GPC5: variants seen among roughly 807,000 people sequenced by gnomAD.
The protein encoded by GPC5 is glypican-5.
Under a neutral mutation model 53.9 loss-of-function variants are expected in GPC5, and 47 were observed. That is an observed-to-expected ratio of 0.87 (90% CI 0.69 to 1.11). The LOEUF is 1.11. Ranked by LOEUF, GPC5 falls within the 50% of genes most tolerant of loss-of-function variation. The pLI is 0.00. For missense variants in GPC5, 748 were observed against 713.1 expected, an observed-to-expected ratio of 1.05 and a Z score of -0.56; for synonymous variants, 286 against 263.3, an observed-to-expected ratio of 1.09 and a Z score of -0.84.
chr13:91,714,165 C>T (rs1170734425), intron 3 of GPC5, among the ~76,000 whole-genome samples: 1 of 152,172 alleles, frequency 6.6e-6, no homozygotes, highest in South Asian at 2.1e-4. Context: ...AACAACTCAC[C>T]TCCTTCCTTG....
chr13:92,084,255 C>A (rs2041319120), intron 6 of GPC5, among the ~76,000 whole-genome samples: 1 of 152,172 alleles, frequency 6.6e-6, no homozygotes, highest in Non-Finnish European at 1.5e-5. Context: ...CCTGCACGTC[C>A]TGCACATGTA....
chr13:92,057,194 G>GT (rs2041081851), intron 6 of GPC5, among the ~76,000 whole-genome samples: 1 of 152,138 alleles, frequency 6.6e-6, no homozygotes, highest in Non-Finnish European at 1.5e-5. Flanking sequence ...CATCTACCAT[G>GT]TAAGAAGTCC....
chr13:92,758,755 G>C (rs66504520), intron 7 of GPC5, among the ~76,000 whole-genome samples: 9,942 of 151,958 alleles, frequency 0.065, 831 homozygotes, highest in East Asian at 0.37. Flanking sequence ...GAAATTACAT[G>C]GGAATGTGTT....
chr13:91,517,962 T>C (rs1162392721), intron 2 of GPC5, among the ~76,000 whole-genome samples: 4 of 152,192 alleles, frequency 2.6e-5, no homozygotes, highest in African/African-American at 7.2e-5. Flanking sequence ...TCCCACAACA[T>C]GTGGGAATTC....
chr13:92,199,279 A>G (rs557100797), intron 7 of GPC5, among the ~76,000 whole-genome samples: 2 of 152,324 alleles, frequency 1.3e-5, no homozygotes, highest in South Asian at 4.1e-4. Context: ...AGTCTCCACA[A>G]TCAGCAACTT....
At chr13:91,875,158 C>T (rs2039188504) in intron 5 of GPC5, among the ~76,000 whole-genome samples, 1 of 152,152 alleles carries the variant, frequency 6.6e-6, no homozygotes, top group Non-Finnish European at 1.5e-5. Flanking sequence ...TGAGTAATGG[C>T]TTGTATATGT....
chr13:91,885,315 G>A (rs2039310241), intron 5 of GPC5, among the ~76,000 whole-genome samples: 1 of 152,162 alleles, frequency 6.6e-6, no homozygotes, highest in South Asian at 2.1e-4. Context: ...TAACAGAGAA[G>A]AAGAAAAGTC....
chr13:91,766,469 G>A (rs1011263811), intron 5 of GPC5, among the ~76,000 whole-genome samples: 4 of 152,196 alleles, frequency 2.6e-5, no homozygotes, highest in Admixed American at 6.5e-5. Flanking sequence ...AGGTTCAGGA[G>A]CCATGCTACT....
Position 92,591,816 on chromosome 13 carries a change from C to T in GPC5, c.1562-274466C>T, listed in dbSNP as rs761877282. On this transcript the variant is annotated intron_variant, in intron 7 of 7. Transcript: ENST00000377067. ...TCTACTTCTATGAGATCAACTTTTT[C>T]AGATTCTATATGAGTGAGATCTTTG... 1.1e-4 allele frequency among the ~76,000 whole-genome samples: 16 copies of T among 152,188 alleles called. No homozygotes were observed. In the East Asian group the frequency reaches 3.1e-3, roughly 29 times the overall value.
At chr13:92,417,271 T>C (rs1594184474) in intron 7 of GPC5, among the ~76,000 whole-genome samples, 1 of 152,306 alleles carries the variant, frequency 6.6e-6, no homozygotes, top group African/African-American at 2.4e-5. Context: ...CATCCTTAGC[T>C]GTCAGTAAAA....
intron 7 of GPC5, among the ~76,000 whole-genome samples, chr13:92,246,508 C>T (rs2042651782): frequency 6.6e-6 from 1 of 152,106 alleles, no homozygotes; most frequent in African/African-American, 2.4e-5. Context: ...AGCCACACCC[C>T]ATCTTTACAA....
chr13:91,468,251 A>C (rs1431497319), intron 2 of GPC5, among the ~76,000 whole-genome samples: 2 of 151,948 alleles, frequency 1.3e-5, no homozygotes, highest in East Asian at 3.9e-4. Flanking sequence ...TCCCTGTAGA[A>C]GTATTCAAGA....
chr13:91,611,938 G>T (rs1019343042), intron 2 of GPC5, among the ~76,000 whole-genome samples: 1 of 152,080 alleles, frequency 6.6e-6, no homozygotes, highest in African/African-American at 2.4e-5. Context: ...CTGCAGCTGG[G>T]CCCCACCTGA....
At chr13:92,338,153 C>T (rs2182536) in intron 7 of GPC5, among the ~76,000 whole-genome samples, 38,526 of 151,866 alleles carry the variant, frequency 0.25, 5,065 homozygotes, top group South Asian at 0.39. Flanking sequence ...GGCCAAAGAC[C>T]TCAAAGGACA....
Position 91,922,810 on chromosome 13 carries a change from C to G in GPC5, c.1401+14753C>G, listed in dbSNP as rs2039728810. On this transcript the variant is annotated intron_variant, in intron 6 of 7. Coordinates refer to ENST00000377067, the MANE Select transcript of GPC5 (RefSeq NM_004466.6). The stretch of plus-strand genomic sequence containing the variant: ...GTTCTTGATTATTTCTGACCCTAAA[C>G]TGTCTTTTCTATCTGAATGTTGAGC... Among the ~76,000 whole-genome samples the G allele has an allele frequency of 2.0e-5, 3 of 152,176 alleles. No homozygotes were observed. The South Asian group carries it at 6.2e-4, about 32-fold the overall frequency.
At chr13:92,622,854 G>A (rs1191680766) in intron 7 of GPC5, among the ~76,000 whole-genome samples, 1 of 152,120 alleles carries the variant, frequency 6.6e-6, no homozygotes, top group South Asian at 2.1e-4. Flanking sequence ...AATGCTGGAA[G>A]AGCCAGTTTT....
At chr13:92,352,617 C>A (rs1276057038) in intron 7 of GPC5, among the ~76,000 whole-genome samples, 2 of 152,144 alleles carry the variant, frequency 1.3e-5, no homozygotes, top group Non-Finnish European at 2.9e-5. Flanking sequence ...AATAACATTA[C>A]TGATCATGAA....
intron 7 of GPC5, among the ~76,000 whole-genome samples, chr13:92,433,696 G>A (rs1401355365): frequency 6.6e-6 from 1 of 152,056 alleles, no homozygotes; most frequent in Admixed American, 6.6e-5. Context: ...ATCAGTACAT[G>A]AATTATAAAC....
intron 7 of GPC5, among the ~76,000 whole-genome samples, chr13:92,844,626 T>C (rs1314017655): frequency 6.6e-6 from 1 of 152,134 alleles, no homozygotes; most frequent in African/African-American, 2.4e-5. Flanking sequence ...ACTATGACTT[T>C]GGACATAGGC....
Sources: allele counts gnomAD v4.1 joint callset (sites outside exome capture counted in the v4.1 genomes callset), GRCh38; gene constraint gnomAD v4.1.1; transcripts MANE v1.5; gene names NCBI Gene and HGNC (gene_info 2026-07-23, HGNC 2026-07-21).